Variants in DIP2C observed in about 807,000 individuals in gnomAD.
The protein encoded by DIP2C is disco-interacting protein 2 homolog C.
In DIP2C, 33 loss-of-function variants were observed where a neutral mutation model predicts 192.4. That is an observed-to-expected ratio of 0.17 (90% CI 0.13 to 0.23). DIP2C has a LOEUF of 0.23. DIP2C is among the 10% of genes least tolerant of loss of function. The pLI is 1.00. For missense variants in DIP2C, 1,537 were observed against 2,110.1 expected, an observed-to-expected ratio of 0.73 and a Z score of 5.32; for synonymous variants, 979 against 864.1, an observed-to-expected ratio of 1.13 and a Z score of -2.33.
chr10:354,804 G>T (rs965585134), intron 24 of DIP2C, among the ~76,000 whole-genome samples: 1 of 151,948 alleles, frequency 6.6e-6, no homozygotes, highest in Non-Finnish European at 1.5e-5. Flanking sequence ...AGGTCACCAC[G>T]TTGGAGATGA....
At chr10:643,147 A>C (rs1452213958) in intron 1 of DIP2C, among the ~76,000 whole-genome samples, 2 of 150,380 alleles carry the variant, frequency 1.3e-5, no homozygotes, top group African/African-American at 2.5e-5. Flanking sequence ...GATTGCAGTG[A>C]GTGGAGGTTG....
chr10:405,839 C>A (rs919565294), intron 9 of DIP2C, among the ~76,000 whole-genome samples: 2 of 152,190 alleles, frequency 1.3e-5, no homozygotes, highest in Admixed American at 6.5e-5. Flanking sequence ...CTCACACAGC[C>A]GGCCCTGCTG....
chr10:321,659 GAACA>G (rs1957034276), intron 31 of DIP2C, among the ~76,000 whole-genome samples: 2 of 65,806 alleles, frequency 3.0e-5, no homozygotes, highest in Non-Finnish European at 5.5e-5. Context: ...GGCGCTGTTA[GAACA>G]GTCAGTCGGG....
chr10:472,009 C>A lies in DIP2C; in HGVS notation c.268+430G>T, dbSNP rs116145856. Among the ~76,000 whole-genome samples the A allele has an allele frequency of 9.2e-5, 14 of 152,148 alleles. No individual in the cohort carries two copies. The South Asian group carries it at 2.9e-3, about 32-fold the overall frequency. ...CAGTCTCCAGACAACCCTGTGCAGA[C>A]GGCATCATAAAACACAGATGAAAGA... On this transcript the variant is annotated intron_variant, in intron 3 of 36. Transcript: ENST00000280886.
At chr10:284,515 C>CA (rs1954997189) in intron 34 of DIP2C, among the ~76,000 whole-genome samples, 1 of 152,202 alleles carries the variant, frequency 6.6e-6, no homozygotes, top group South Asian at 2.1e-4. Flanking sequence ...ACAAATACTG[C>CA]ACCACCTCAC....
At chr10:607,780 C>A (rs555625868) in intron 1 of DIP2C, among the ~76,000 whole-genome samples, 1 of 152,020 alleles carries the variant, frequency 6.6e-6, no homozygotes, top group African/African-American at 2.4e-5. Context: ...GAAACCTCTT[C>A]TTAGACAAGA....
intron 1 of DIP2C, among the ~76,000 whole-genome samples, chr10:539,095 A>G (rs1847845904): frequency 6.6e-6 from 1 of 152,134 alleles, no homozygotes; most frequent in Admixed American, 6.6e-5. Context: ...AATCTGCTAT[A>G]TGACCTCAGT....
At chr10:650,023 A>G (rs1406906372) in intron 1 of DIP2C, 2 of 670,266 alleles carry the variant, frequency 3.0e-6, no homozygotes, top group African/African-American at 1.8e-5. Context: ...CTTATTAGGA[A>G]GGCAATTCTG....
intron 32 of DIP2C, among the ~76,000 whole-genome samples, chr10:294,321 T>TCTGGGTGCATCAATATG: frequency 6.6e-6 from 1 of 152,096 alleles, no homozygotes; most frequent in Non-Finnish European, 1.5e-5. Context: ...GCATCAATAC[T>TCTGGGTGCATCAATATG]CTGGGTGCAT....
At chr10:517,248 A>C (rs1846420310) in intron 1 of DIP2C, among the ~76,000 whole-genome samples, 1 of 152,170 alleles carries the variant, frequency 6.6e-6, no homozygotes, top group Admixed American at 6.5e-5. Flanking sequence ...TGTCCTTGGC[A>C]AATGTACCAT....
chr10:511,952 C>T (rs1364344539), intron 1 of DIP2C, among the ~76,000 whole-genome samples: 1 of 152,150 alleles, frequency 6.6e-6, no homozygotes, highest in South Asian at 2.1e-4. Flanking sequence ...TGGCCGACTG[C>T]GGGAGAAGAG....
chr10:366,486 G>A lies in DIP2C; in HGVS notation c.2132-75C>T, dbSNP rs573449992. Reference sequence around the variant, plus strand: ...AGAATAAAGGAAACAGGGAAGACGCGAATATGAACGACACCAGTGAACAGG... The same window carrying A: ...AGAATAAAGGAAACAGGGAAGACGCAAATATGAACGACACCAGTGAACAGG... On this transcript the variant is annotated intron_variant, in intron 18 of 36. Transcript: ENST00000280886. The A allele has an allele frequency of 8.5e-4, 1,350 of 1,592,178 alleles. 13 individuals carry two copies. Among genetic ancestry groups the A allele is most frequent in the South Asian group, 8.3e-3 (741 of 89,540 alleles).
Position 316,227 on chromosome 10 carries a change from AAC to A in DIP2C, c.3925-6137_3925-6136del, listed in dbSNP as rs199926672. ...CAGGTCTTTTAAATTTTGATTATAT[AAC>A]ACAATGTTTTATGAAAAACGAAGAT... On this transcript the variant is annotated intron_variant, in intron 31 of 36. Transcript: ENST00000280886. 1.3e-3 allele frequency among the ~76,000 whole-genome samples: 196 copies of A among 152,340 alleles called. 1 individual carries two copies. The South Asian group carries it at 0.015, about 11-fold the overall frequency.
At position 326,991 on chromosome 10, in the gene DIP2C, G is replaced by C; in HGVS notation, c.3924+15C>G. On this transcript the variant is annotated intron_variant, in intron 31 of 36. Transcript: ENST00000280886. ...CACACTTCCCACTCAGCACTGTGAT[G>C]TCGCCGAATCTCACCTGCAAGCAAA... 2 of 1,604,334 alleles carry C rather than the reference G, an allele frequency of 1.2e-6. No homozygotes were observed. Among genetic ancestry groups the C allele is most frequent in the Non-Finnish European group, 1.7e-6 (2 of 1,175,190 alleles).
chr10:522,797 T>C (rs1414251690), intron 1 of DIP2C, among the ~76,000 whole-genome samples: 1 of 152,272 alleles, frequency 6.6e-6, no homozygotes, highest in Non-Finnish European at 1.5e-5. Context: ...GATGAGCCTT[T>C]TGTAGATACG....
At chr10:301,303 A>G (rs548328796) in intron 32 of DIP2C, among the ~76,000 whole-genome samples, 15 of 152,186 alleles carry the variant, frequency 9.9e-5, no homozygotes, top group Non-Finnish European at 1.9e-4. Flanking sequence ...GTTTACATGC[A>G]GAGAAACGAC....
intron 1 of DIP2C, among the ~76,000 whole-genome samples, chr10:578,450 C>A (rs927325636): frequency 6.6e-6 from 1 of 152,184 alleles, no homozygotes; most frequent in African/African-American, 2.4e-5. Flanking sequence ...ATCACCAAGT[C>A]CCTGTTGTTT....
chr10:649,432 T>A (rs1554765488), intron 1 of DIP2C, among the ~76,000 whole-genome samples: 2 of 152,252 alleles, frequency 1.3e-5, no homozygotes, highest in Non-Finnish European at 1.5e-5. Context: ...TGGCTTTTAA[T>A]GCACTGCAGG....
chr10:515,642 T>C (rs1846304279), intron 1 of DIP2C, among the ~76,000 whole-genome samples: 1 of 152,148 alleles, frequency 6.6e-6, no homozygotes, highest in South Asian at 2.1e-4. Context: ...AAGAACTGCC[T>C]GAACCCGGGA....
Sources: gnomAD v4.1 joint callset for allele counts (sites outside exome capture counted in the v4.1 genomes callset) on GRCh38, gnomAD v4.1.1 for gene constraint, MANE v1.5 for transcripts, NCBI Gene and HGNC (gene_info 2026-07-23, HGNC 2026-07-21) for gene names.